BCAS3: variants seen among roughly 807,000 people sequenced by gnomAD.
The protein encoded by BCAS3 is BCAS4/BCAS3 fusion.
In BCAS3, 53 loss-of-function variants were observed where a neutral mutation model predicts 116.1. The ratio of observed to expected loss-of-function variants is 0.46; its 90% confidence interval spans 0.37 to 0.57. The LOEUF is 0.57. Among genes scored for constraint, BCAS3 ranks in the 20% least tolerant of loss-of-function variants. The pLI, the probability that BCAS3 is intolerant of heterozygous loss-of-function variation, is 0.00. For missense variants in BCAS3, 917 were observed against 1,165.4 expected (o/e 0.79, Z 3.10); for synonymous variants, 391 against 408.2 (o/e 0.96, Z 0.51).
intron 12 of BCAS3, among the ~76,000 whole-genome samples, chr17:60,914,370 G>A (rs2058669513): frequency 6.6e-6 from 1 of 152,148 alleles, no homozygotes; most frequent in African/African-American, 2.4e-5. Context: ...TTACGTAGTG[G>A]TAAGATTAAT....
intron 5 of BCAS3, among the ~76,000 whole-genome samples, chr17:60,745,486 CTG>C (rs1425708832): frequency 7.2e-5 from 11 of 151,976 alleles, no homozygotes; most frequent in African/African-American, 1.9e-4. Flanking sequence ...ATAAAAAAGA[CTG>C]TAATTTTTAG....
chr17:60,949,035 C>G (rs921862152), intron 14 of BCAS3, among the ~76,000 whole-genome samples: 1 of 151,966 alleles, frequency 6.6e-6, no homozygotes. Flanking sequence ...TGCCACCACG[C>G]CTGGCTAATT....
chr17:61,031,403 A>G lies in BCAS3; in HGVS notation c.1638-3263A>G, dbSNP rs1040823862. 1.4e-4 allele frequency among the ~76,000 whole-genome samples: 22 copies of G among 152,104 alleles called. 1 individual carries two copies. Among genetic ancestry groups the G allele is most frequent in the African/African-American group, 5.3e-4 (22 of 41,438 alleles). On this transcript the variant is annotated intron_variant, in intron 16 of 23. Transcript: ENST00000407086. ...GTATGTCACTGGCATATTGCTAGAA[A>G]AGCCCTTCTACTTCTGCCAAGCTTT... is the stretch of plus-strand genomic sequence containing the variant.
In BCAS3 at chr17:61,309,222, A is replaced by G. The variant is rs1006561644; in HGVS notation, c.2426-59105A>G. On this transcript the variant is annotated intron_variant, in intron 22 of 23. Coordinates refer to ENST00000407086, the MANE Select transcript of BCAS3 (RefSeq NM_017679.5). This position sits in a 1 kb window ranked among gnomAD's most constrained non-coding sequence, Gnocchi z 4.6. ...AGGATACGTATAAGGGAATTAGATAACTCTCTACGTGATTTGCAAACACCT... is the reference window on the plus strand; with the variant it reads ...AGGATACGTATAAGGGAATTAGATAGCTCTCTACGTGATTTGCAAACACCT... 1.3e-5 allele frequency among the ~76,000 whole-genome samples: 2 copies of G among 152,144 alleles called. No homozygotes were observed. Among genetic ancestry groups the G allele is most frequent in the African/African-American group, 4.8e-5 (2 of 41,402 alleles).
At chr17:61,299,048 C>A (rs1448290720) in intron 22 of BCAS3, among the ~76,000 whole-genome samples, 1 of 146,902 alleles carries the variant, frequency 6.8e-6, no homozygotes, top group Non-Finnish European at 1.5e-5. Context: ...GTCTCTAACT[C>A]CTGACTTTAG....
At chr17:60,722,703 G>T (rs1424479129) in intron 5 of BCAS3, among the ~76,000 whole-genome samples, 1 of 151,160 alleles carries the variant, frequency 6.6e-6, no homozygotes, top group African/African-American at 2.4e-5. Context: ...GGAGGTTGCA[G>T]TGAGCCGAGA....
intron 5 of BCAS3, among the ~76,000 whole-genome samples, chr17:60,715,132 CTTT>C (rs200488032): frequency 7.2e-5 from 9 of 125,400 alleles, no homozygotes; most frequent in Admixed American, 8.0e-5. Flanking sequence ...CTTTCTCTTT[CTTT>C]TTTTTTTTTT....
chr17:61,303,570 T>C (rs541322273), intron 22 of BCAS3, among the ~76,000 whole-genome samples: 4 of 152,330 alleles, frequency 2.6e-5, no homozygotes, highest in African/African-American at 9.6e-5. Flanking sequence ...TCATTTCTCA[T>C]TACTGCCCTT....
chr17:61,290,715 A>G (rs1264527808), intron 22 of BCAS3, among the ~76,000 whole-genome samples: 1 of 152,066 alleles, frequency 6.6e-6, no homozygotes, highest in Non-Finnish European at 1.5e-5. Context: ...GTAGGATTCC[A>G]TCATTAAGAG....
Position 60,897,383 on chromosome 17 carries a change from T to G in BCAS3, c.739-5237T>G, listed in dbSNP as rs2057582694. Among the ~76,000 whole-genome samples the G allele has an allele frequency of 2.0e-5, 3 of 152,194 alleles. No homozygotes were observed. The South Asian group carries it at 6.2e-4, about 32-fold the overall frequency. ...TTTTAGACAATGACTATAATGTGCC[T>G]TAGAGAAGACCTTTTTCCATTGTAT... On this transcript the variant is annotated intron_variant, in intron 10 of 23. Coordinates refer to ENST00000407086, the MANE Select transcript of BCAS3 (RefSeq NM_017679.5).
At chr17:61,284,325 C>T (rs559647287) in intron 22 of BCAS3, among the ~76,000 whole-genome samples, 30 of 152,280 alleles carry the variant, frequency 2.0e-4, no homozygotes, top group Admixed American at 4.6e-4. Context: ...GCTGCTCACT[C>T]TGGGTCCACA....
Position 61,302,859 on chromosome 17 carries a change from A to G in BCAS3, c.2426-65468A>G, listed in dbSNP as rs935269033. On this transcript the variant is annotated intron_variant, in intron 22 of 23. Coordinates refer to ENST00000407086, the MANE Select transcript of BCAS3 (RefSeq NM_017679.5). This position sits in a 1 kb window ranked among gnomAD's most constrained non-coding sequence, Gnocchi z 4.4. Reference sequence around the variant, plus strand: ...TGGCCATAGGGAGGATGTAGGGTCTAGATCACTTTCTAAATTCCTTTTCCA... The same window carrying G: ...TGGCCATAGGGAGGATGTAGGGTCTGGATCACTTTCTAAATTCCTTTTCCA... Among the ~76,000 whole-genome samples the G allele has an allele frequency of 1.3e-5, 2 of 152,226 alleles. No individual in the cohort carries two copies. Among genetic ancestry groups the G allele is most frequent in the African/African-American group, 2.4e-5 (1 of 41,468 alleles).
rs1334843571 is a variant in BCAS3, at chr17:61,316,185, G to A, written c.2426-52142G>A. Among the ~76,000 whole-genome samples, 2 of 151,994 alleles carry A rather than the reference G, an allele frequency of 1.3e-5. No individual in the cohort carries two copies. Among genetic ancestry groups the A allele is most frequent in the East Asian group, 1.9e-4 (1 of 5,164 alleles). Reference sequence around the variant, plus strand: ...GCCAGGCATGGTGGTGCATGCCTGTGATCCCAGCTACTCAGGAGGCTGTGG... The same window carrying A: ...GCCAGGCATGGTGGTGCATGCCTGTAATCCCAGCTACTCAGGAGGCTGTGG... On this transcript the variant is annotated intron_variant, in intron 22 of 23. Coordinates refer to ENST00000407086, the MANE Select transcript of BCAS3 (RefSeq NM_017679.5). This position sits in a 1 kb window ranked among gnomAD's most constrained non-coding sequence, Gnocchi z 5.8.
Position 61,368,018 on chromosome 17 carries a change from G to A in BCAS3, c.2426-309G>A, listed in dbSNP as rs115159518. 6.8e-4 allele frequency: 167 copies of A among 244,818 alleles called. No individual in the cohort carries two copies. Among genetic ancestry groups the A allele is most frequent in the African/African-American group, 3.3e-3 (144 of 44,276 alleles). 15.2% of individuals were successfully genotyped at this position (244,818 alleles called of 1,614,324 possible). A position where few individuals can be genotyped will look rare whatever the true frequency, so the allele number is the denominator to read the frequency against. On this transcript the variant is annotated intron_variant, in intron 22 of 23. Transcript: ENST00000407086. The surrounding 1 kb of genome is among the most constrained non-coding windows in gnomAD (Gnocchi z 6.0). Reference sequence around the variant, plus strand: ...TAGGGATCCGTTTGGGTTGAACCTGGGAAGGGGGTTGCCTTCCCCGTCCCA... The same window carrying A: ...TAGGGATCCGTTTGGGTTGAACCTGAGAAGGGGGTTGCCTTCCCCGTCCCA...
chr17:61,048,985 T>G (rs2068594061), intron 19 of BCAS3, among the ~76,000 whole-genome samples: 1 of 151,904 alleles, frequency 6.6e-6, no homozygotes, highest in Non-Finnish European at 1.5e-5. Flanking sequence ...AACCACAGTG[T>G]GTGAGGAGAA....
In BCAS3 at chr17:61,213,616, C is replaced by A. The variant is rs951699665; in HGVS notation, c.2425+129052C>A. On this transcript the variant is annotated intron_variant, in intron 22 of 23. Coordinates refer to ENST00000407086, the MANE Select transcript of BCAS3 (RefSeq NM_017679.5). This position sits in a 1 kb window ranked among gnomAD's most constrained non-coding sequence, Gnocchi z 5.4. ...CTTTCCCACTCCTTTCATTTTAGCT[C>A]TTCTCTCTTCCTGACCTATAACTGT... Among the ~76,000 whole-genome samples, 1 of 152,140 alleles carries A rather than the reference C, an allele frequency of 6.6e-6. No individual in the cohort carries two copies. The highest frequency in any genetic ancestry group is 2.4e-5 in the African/African-American group (1 of 41,440).
rs1403274930 is a variant in BCAS3, at chr17:61,124,069, G to GATATAT, written c.2425+39506_2425+39507insTATATA. On this transcript the variant is annotated intron_variant, in intron 22 of 23. Coordinates refer to ENST00000407086, the MANE Select transcript of BCAS3 (RefSeq NM_017679.5). The surrounding 1 kb of genome is among the most constrained non-coding windows in gnomAD (Gnocchi z 4.6). ...TGTTATTTCAAACTTGTATCTAGGA[G>GATATAT]AGAGATATATATATATACATATATA... is the stretch of plus-strand genomic sequence containing the variant. Among the ~76,000 whole-genome samples the GATATAT allele has an allele frequency of 6.6e-6, 1 of 151,832 alleles. No homozygotes were observed. Among genetic ancestry groups the GATATAT allele is most frequent in the African/African-American group, 2.4e-5 (1 of 41,502 alleles).
intron 22 of BCAS3, among the ~76,000 whole-genome samples, chr17:61,297,436 A>G (rs1419059961): frequency 2.6e-5 from 4 of 152,124 alleles, no homozygotes. Context: ...GTGTGTGTGT[A>G]TGCCGGGGGA....
intron 22 of BCAS3, among the ~76,000 whole-genome samples, chr17:61,172,149 A>G (rs925599232): frequency 2.0e-5 from 3 of 152,234 alleles, no homozygotes; most frequent in Admixed American, 6.5e-5. Context: ...TGAACACACA[A>G]TTATAGTTGG....
Sources: allele counts gnomAD v4.1 joint callset (sites outside exome capture counted in the v4.1 genomes callset), GRCh38; gene constraint gnomAD v4.1.1; non-coding constraint Gnocchi (gnomAD v3.1); transcripts MANE v1.5; gene names NCBI Gene and HGNC (gene_info 2026-07-23, HGNC 2026-07-21).